Variants in NEDD4L observed in about 807,000 individuals in gnomAD.
NEDD4L encodes NEDD4 like E3 ubiquitin protein ligase.
NEDD4L carries 54 observed loss-of-function variants against 148.9 expected under a neutral mutation model. The observed-to-expected ratio is 0.36, with a 90% CI of 0.29 to 0.45. The LOEUF is 0.45. Ranked by LOEUF, NEDD4L falls within the 20% of genes least tolerant of loss-of-function variation. NEDD4L has a pLI of 1.00. For missense variants in NEDD4L, 856 were observed against 1,233.8 expected, an observed-to-expected ratio of 0.69 and a Z score of 4.59; for synonymous variants, 433 against 440.7, an observed-to-expected ratio of 0.98 and a Z score of 0.22.
intron 2 of NEDD4L, 89 bp downstream of exon 2, chr18:58,165,950 G>C: frequency 9.7e-7 from 1 of 1,029,212 alleles, no homozygotes. Flanking sequence ...TCACCTGGAG[G>C]ACTTCTTAAG....
At chr18:58,283,450 A>G (rs2088762239) in intron 5 of NEDD4L, among the ~76,000 whole-genome samples, 1 of 152,182 alleles carries the variant, frequency 6.6e-6, no homozygotes, top group African/African-American at 2.4e-5. Context: ...TGGCCAAAGC[A>G]AGTCACGTGG....
At chr18:58,269,724 C>G (rs1398286933) in intron 5 of NEDD4L, among the ~76,000 whole-genome samples, 3 of 152,044 alleles carry the variant, frequency 2.0e-5, no homozygotes, top group Non-Finnish European at 2.9e-5. Flanking sequence ...CAGCCTAAAT[C>G]TGGGTTTCCT....
intron 23 of NEDD4L, among the ~76,000 whole-genome samples, chr18:58,370,778 T>G (rs1013955625): frequency 6.6e-6 from 1 of 152,198 alleles, no homozygotes; most frequent in African/African-American, 2.4e-5. Context: ...AGCCTGTGTT[T>G]TCTATAAAAA....
intron 5 of NEDD4L, among the ~76,000 whole-genome samples, chr18:58,288,810 A>T (rs1443751306): frequency 2.0e-5 from 3 of 152,208 alleles, no homozygotes; most frequent in Non-Finnish European, 4.4e-5. Flanking sequence ...CAAAAAAACT[A>T]AAAAGTTCAA....
intron 5 of NEDD4L, among the ~76,000 whole-genome samples, chr18:58,287,820 G>A (rs1038850698): frequency 2.0e-5 from 3 of 152,130 alleles, no homozygotes; most frequent in Non-Finnish European, 4.4e-5. Context: ...TTGCTTGGAG[G>A]AATAGTGAAT....
chr18:58,322,991 C>T (rs1326812392), intron 7 of NEDD4L, among the ~76,000 whole-genome samples: 31 of 125,772 alleles, frequency 2.5e-4, no homozygotes, highest in African/African-American at 9.7e-4. Flanking sequence ...GCCTGCCCTG[C>T]GTGCTGTGGG....
chr18:58,075,823 C>T (rs551713509), intron 1 of NEDD4L, among the ~76,000 whole-genome samples: 34 of 151,996 alleles, frequency 2.2e-4, no homozygotes, highest in African/African-American at 7.7e-4. Context: ...CCCAGCTACT[C>T]GGGAGTGAGG....
At chr18:58,143,443 G>A (rs1261957853) in intron 1 of NEDD4L, among the ~76,000 whole-genome samples, 2 of 152,204 alleles carry the variant, frequency 1.3e-5, no homozygotes, top group Non-Finnish European at 2.9e-5. Flanking sequence ...GGGCCATTTA[G>A]TTTATTTCTG....
chr18:58,247,363 G>C (rs2047388807), intron 3 of NEDD4L: 1 of 152,178 alleles, frequency 6.6e-6, no homozygotes, highest in African/African-American at 2.4e-5. Context: ...GCCTGCGAGG[G>C]ACGGAGGCCA....
chr18:58,375,989 G>A lies in NEDD4L; in HGVS notation c.2352+2720G>A, dbSNP rs1042964925. 2.0e-5 allele frequency among the ~76,000 whole-genome samples: 3 copies of A among 152,274 alleles called. No individual in the cohort carries two copies. The Middle Eastern group carries it at 0.01, about 521-fold the overall frequency. On this transcript the variant is annotated intron_variant, in intron 24 of 30. Coordinates refer to ENST00000400345, the MANE Select transcript of NEDD4L (RefSeq NM_001144967.3). ...ATTTTTAACATATGAAGGAAGGAGTGGAAGTAAAGAACCAAGGAAGACTGA... is the reference window on the plus strand; with the variant it reads ...ATTTTTAACATATGAAGGAAGGAGTAGAAGTAAAGAACCAAGGAAGACTGA...
intron 1 of NEDD4L, among the ~76,000 whole-genome samples, chr18:58,142,546 G>C (rs2033667224): frequency 6.6e-6 from 1 of 152,178 alleles, no homozygotes; most frequent in Non-Finnish European, 1.5e-5. Flanking sequence ...CCAGACCTCA[G>C]AGGATTGCTG....
chr18:58,251,449 G>GGCTGCAGTGAGCCATGATCATGCC (rs1234453862), intron 4 of NEDD4L, among the ~76,000 whole-genome samples: 1 of 152,098 alleles, frequency 6.6e-6, no homozygotes, highest in Non-Finnish European at 1.5e-5. Context: ...GGGAGGTTGA[G>GGCTGCAGTGAGCCATGATCATGCC]GCTGCAGTGA....
chr18:58,201,462 T>C (rs2041398926), intron 2 of NEDD4L, among the ~76,000 whole-genome samples: 1 of 152,238 alleles, frequency 6.6e-6, no homozygotes, highest in South Asian at 2.1e-4. Flanking sequence ...CAACCGTTGT[T>C]AACAGTTTAC....
intron 5 of NEDD4L, among the ~76,000 whole-genome samples, chr18:58,268,304 C>T (rs2148770787): frequency 6.6e-6 from 1 of 151,878 alleles, no homozygotes; most frequent in African/African-American, 2.4e-5. Flanking sequence ...TAGGTAGCAG[C>T]CCTCACAGAG....
chr18:58,062,042 T>C (rs2082358481), intron 1 of NEDD4L, among the ~76,000 whole-genome samples: 1 of 152,246 alleles, frequency 6.6e-6, no homozygotes, highest in Non-Finnish European at 1.5e-5. Flanking sequence ...GTTGAACTCT[T>C]CATAATATCT....
intron 1 of NEDD4L, among the ~76,000 whole-genome samples, chr18:58,133,563 A>T (rs1451402034): frequency 6.6e-6 from 1 of 152,222 alleles, no homozygotes; most frequent in Non-Finnish European, 1.5e-5. Context: ...AATATGTGTA[A>T]ATAAGAAGTA....
At chr18:58,107,153 A>G (rs1272713597) in intron 1 of NEDD4L, among the ~76,000 whole-genome samples, 1 of 152,108 alleles carries the variant, frequency 6.6e-6, no homozygotes, top group Non-Finnish European at 1.5e-5. Flanking sequence ...ACACAGCCAT[A>G]TTGGATTAGG....
At chr18:58,159,084 G>A (rs1024784948) in intron 1 of NEDD4L, among the ~76,000 whole-genome samples, 1 of 152,110 alleles carries the variant, frequency 6.6e-6, no homozygotes, top group Non-Finnish European at 1.5e-5. Flanking sequence ...AAGGTTGTGG[G>A]ACCCAACATT....
At position 58,093,875 on chromosome 18, in the gene NEDD4L, C is replaced by T. The variant is rs546195177; in HGVS notation, c.48+49167C>T. Reference sequence around the variant, plus strand: ...ATACTGTCCATTGTAAAATTGGAGCCACTCTTGAAAAATTGCTGCATGCCC... The same window carrying T: ...ATACTGTCCATTGTAAAATTGGAGCTACTCTTGAAAAATTGCTGCATGCCC... On this transcript the variant is annotated intron_variant, in intron 1 of 30. Transcript: ENST00000400345. Among the ~76,000 whole-genome samples, 5 of 152,146 alleles carry T rather than the reference C, an allele frequency of 3.3e-5. No homozygotes were observed. In the South Asian group the frequency reaches 1.0e-3, roughly 32 times the overall value.
Sources: allele counts gnomAD v4.1 joint callset (sites outside exome capture counted in the v4.1 genomes callset), GRCh38; gene constraint gnomAD v4.1.1; transcripts MANE v1.5; gene names NCBI Gene and HGNC (gene_info 2026-07-23, HGNC 2026-07-21).